The following TPTE variants were observed in gnomAD, a reference collection of about 807,000 sequenced individuals.
TPTE encodes the protein putative tyrosine-protein phosphatase TPTE.
TPTE carries 59 observed loss-of-function variants against 84.1 expected under a neutral mutation model. The ratio of observed to expected loss-of-function variants is 0.70; its 90% confidence interval spans 0.57 to 0.87. The LOEUF is 0.87. TPTE is among the 40% of genes least tolerant of loss of function. TPTE has a pLI of 0.00. For missense variants in TPTE, 382 were observed against 659.6 expected (o/e 0.58, Z 4.61); for synonymous variants, 130 against 223.5 (o/e 0.58, Z 3.73).
chr21:10,544,445 C>T lies in TPTE; in HGVS notation c.173+1063C>T, dbSNP rs1414112253. Among the ~76,000 whole-genome samples the T allele has an allele frequency of 4.6e-5, 7 of 152,414 alleles. No individual in the cohort carries two copies. In the South Asian group the frequency reaches 6.2e-4, roughly 14 times the overall value. On this transcript the variant is annotated intron_variant, in intron 7 of 23. Transcript: ENST00000618007. The stretch of plus-strand genomic sequence containing the variant: ...TGTTGCCCAAGCTGGCGTGCAGTGG[C>T]GTGATCTCGGCTCACTGTAACCTCC...
At chr21:10,545,888 A>G (rs1290290151) in intron 7 of TPTE, among the ~76,000 whole-genome samples, 1 of 151,908 alleles carries the variant, frequency 6.6e-6, no homozygotes, top group Non-Finnish European at 1.5e-5. Context: ...GTAGTCATGT[A>G]TATATCCTTT....
chr21:10,525,505 G>A (rs1014546540), intron 2 of TPTE, among the ~76,000 whole-genome samples: 8 of 152,426 alleles, frequency 5.2e-5, no homozygotes, highest in African/African-American at 1.9e-4. Flanking sequence ...CTTATATACT[G>A]TGTCTGCTTG....
intron 3 of TPTE, among the ~76,000 whole-genome samples, chr21:10,534,270 G>A (rs1009235747): frequency 2.0e-5 from 3 of 152,308 alleles, no homozygotes; most frequent in African/African-American, 7.2e-5. Context: ...GGAGATGTAG[G>A]CAGGTGGAGG....
chr21:10,523,471 C>G (rs2074022519), intron 1 of TPTE, among the ~76,000 whole-genome samples: 1 of 131,816 alleles, frequency 7.6e-6, no homozygotes, highest in East Asian at 2.5e-4. Context: ...CCACAACAGT[C>G]CCCAGAGTGT....
intron 17 of TPTE, among the ~76,000 whole-genome samples, chr21:10,582,803 A>C (rs1303744865): frequency 6.6e-6 from 1 of 152,310 alleles, no homozygotes; most frequent in Non-Finnish European, 1.5e-5. Flanking sequence ...ACATGATCTC[A>C]GTTCATTGCA....
intron 7 of TPTE, among the ~76,000 whole-genome samples, chr21:10,551,868 G>GT (rs1324502058): frequency 1.3e-5 from 2 of 152,300 alleles, no homozygotes; most frequent in Non-Finnish European, 2.9e-5. Context: ...AGAAGAAATA[G>GT]AAAACCTGAA....
At chr21:10,531,267 G>A (rs1353229147) in intron 3 of TPTE, among the ~76,000 whole-genome samples, 1 of 152,300 alleles carries the variant, frequency 6.6e-6, no homozygotes, top group Non-Finnish European at 1.5e-5. Context: ...AAGATGAATA[G>A]ATTAATTCCC....
chr21:10,593,373 A>T (rs1322389340), intron 19 of TPTE, among the ~76,000 whole-genome samples: 1 of 152,310 alleles, frequency 6.6e-6, no homozygotes, highest in East Asian at 1.9e-4. Context: ...ATTGTCTTAA[A>T]ATCTTTGAAA....
chr21:10,552,646 G>A lies in TPTE; in HGVS notation c.174-11G>A. ...AATGATATATTTTTGCTTTTTTTTT[G>A]GTGGCTAAAGTGTGTTAGCACGACT... On this transcript the variant is annotated splice_polypyrimidine_tract_variant and intron_variant, in intron 7 of 23. Coordinates refer to ENST00000618007, the MANE Select transcript of TPTE (RefSeq NM_199261.4). 1.9e-6 allele frequency: 3 copies of A among 1,605,558 alleles called. No homozygotes were observed. Among genetic ancestry groups the A allele is most frequent in the Non-Finnish European group, 1.7e-6 (2 of 1,176,200 alleles).
intron 10 of TPTE, among the ~76,000 whole-genome samples, chr21:10,564,883 C>T (rs1371370533): frequency 1.3e-5 from 2 of 152,312 alleles, no homozygotes; most frequent in Admixed American, 6.5e-5. Flanking sequence ...GACAGACCCA[C>T]AGTCATTACC....
rs771252477 is a variant in TPTE, at chr21:10,567,767, A to AAT, written c.545_546insTA (p.Lys182AsnfsTer23). 1 of 1,613,406 alleles carries AAT rather than the reference A, an allele frequency of 6.2e-7. No individual in the cohort carries two copies. Among genetic ancestry groups the AAT allele is most frequent in the African/African-American group, 1.3e-5 (1 of 74,942 alleles). On this transcript the variant is annotated frameshift_variant, in exon 11 of 24. Coordinates refer to ENST00000618007, the MANE Select transcript of TPTE (RefSeq NM_199261.4). LOFTEE classifies it high-confidence loss of function. ...TGTCGTTTACATTTTTTTTGACATTAAGTTGCTTAGGAATATTCCCAGGTA... is the reference window on the plus strand; with the variant it reads ...TGTCGTTTACATTTTTTTTGACATTAATAGTTGCTTAGGAATATTCCCAGGTA...
intron 3 of TPTE, among the ~76,000 whole-genome samples, chr21:10,528,793 A>T (rs1384738898): frequency 6.6e-6 from 1 of 152,310 alleles, no homozygotes; most frequent in African/African-American, 2.4e-5. Flanking sequence ...CGTCTCCCCA[A>T]ATTAGTGTTT....
intron 8 of TPTE, among the ~76,000 whole-genome samples, chr21:10,558,181 G>A (rs2074720160): frequency 6.6e-6 from 1 of 152,304 alleles, no homozygotes; most frequent in Non-Finnish European, 1.5e-5. Flanking sequence ...TTGATTCCAT[G>A]TCTTTGCTAT....
At chr21:10,561,226 CT>C in intron 10 of TPTE, 35 bp downstream of exon 10, 1 of 1,607,572 alleles carries the variant, frequency 6.2e-7, no homozygotes, top group East Asian at 2.2e-5. Context: ...CATTAAGCTA[CT>C]TTGTAGTTTT....
intron 17 of TPTE, among the ~76,000 whole-genome samples, chr21:10,589,598 C>A (rs1323498171): frequency 2.8e-4 from 43 of 152,252 alleles, no homozygotes; most frequent in Non-Finnish European, 4.6e-4. Flanking sequence ...GTCTTTCCCC[C>A]ACAAAGTCTC....
At chr21:10,536,130 T>C (rs1365731820) in intron 3 of TPTE, among the ~76,000 whole-genome samples, 4 of 152,286 alleles carry the variant, frequency 2.6e-5, no homozygotes. Flanking sequence ...ATACAAAAAT[T>C]AGCCAGGTGT....
At chr21:10,524,456 A>T (rs2074043830) in intron 1 of TPTE, 124 bp from the exon 2 acceptor site, 1 of 152,606 alleles carries the variant, frequency 6.6e-6, no homozygotes, top group South Asian at 2.1e-4. Context: ...GAATTGGGTC[A>T]AGATTTGATT....
intron 10 of TPTE, among the ~76,000 whole-genome samples, chr21:10,561,974 C>T (rs1348691804): frequency 1.0e-4 from 16 of 152,424 alleles, no homozygotes; most frequent in African/African-American, 3.8e-4. Context: ...AATGCAGTCA[C>T]AGTAGTGGTG....
At chr21:10,566,746 G>A (rs1334540475) in intron 10 of TPTE, among the ~76,000 whole-genome samples, 3 of 152,306 alleles carry the variant, frequency 2.0e-5, no homozygotes, top group African/African-American at 7.2e-5. Context: ...GGAGGCTGAG[G>A]TGGGCAGATC....
Sources: gnomAD v4.1 joint callset for allele counts (sites outside exome capture counted in the v4.1 genomes callset) on GRCh38, gnomAD v4.1.1 for gene constraint, MANE v1.5 for transcripts, NCBI Gene and HGNC (gene_info 2026-07-23, HGNC 2026-07-21) for gene names.